PEBP4: variants seen among roughly 807,000 people sequenced by gnomAD.
PEBP4 encodes phosphatidylethanolamine binding protein 4.
PEBP4 carries 22 observed loss-of-function variants against 23.9 expected under a neutral mutation model. That is an observed-to-expected ratio of 0.92 (90% CI 0.66 to 1.31). The LOEUF is 1.31. Among genes scored for constraint, PEBP4 ranks in the 40% most tolerant of loss-of-function variants. The pLI, the probability that PEBP4 is intolerant of heterozygous loss-of-function variation, is 0.00. For missense variants in PEBP4, 324 were observed against 281.7 expected, an observed-to-expected ratio of 1.15 and a Z score of -1.07; for synonymous variants, 112 against 99.3, an observed-to-expected ratio of 1.13 and a Z score of -0.76.
chr8:22,899,070 A>T lies in PEBP4; in HGVS notation c.258+21114T>A, dbSNP rs1240258338. 2.6e-5 allele frequency among the ~76,000 whole-genome samples: 4 copies of T among 152,222 alleles called. 1 individual carries two copies. Among genetic ancestry groups the T allele is most frequent in the African/African-American group, 9.6e-5 (4 of 41,456 alleles). ...TCACAGCCTCTGAAGCTGGCGATCT[A>T]GGACCCTGGACAAGCTACACACCTG... On this transcript the variant is annotated intron_variant, in intron 3 of 6. Coordinates refer to ENST00000256404, the MANE Select transcript of PEBP4 (RefSeq NM_144962.3).
chr8:22,789,460 G>A (rs1452396413), intron 4 of PEBP4, among the ~76,000 whole-genome samples: 2 of 152,116 alleles, frequency 1.3e-5, no homozygotes, highest in Admixed American at 1.3e-4. Flanking sequence ...TGGTACGTTT[G>A]CCACCCCTCA....
intron 3 of PEBP4, among the ~76,000 whole-genome samples, chr8:22,842,326 G>A (rs1315750881): frequency 1.3e-5 from 2 of 152,178 alleles, no homozygotes; most frequent in Non-Finnish European, 2.9e-5. Context: ...AGAGCAGAGA[G>A]GAGAACTGTG....
chr8:22,911,003 G>T lies in PEBP4; in HGVS notation c.258+9181C>A, dbSNP rs140528279. Among the ~76,000 whole-genome samples, 293 of 152,204 alleles carry T rather than the reference G, an allele frequency of 1.9e-3. 1 individual carries two copies. Among genetic ancestry groups the T allele is most frequent in the East Asian group, 0.019 (96 of 5,186 alleles). ...AGTAGAACAAATGCACCGCTCTGGT[G>T]GGGGGAGCTGAGGGTAGGGGAGGCT... On this transcript the variant is annotated intron_variant, in intron 3 of 6. Transcript: ENST00000256404.
intron 2 of PEBP4, among the ~76,000 whole-genome samples, chr8:22,926,225 C>T (rs891716290): frequency 3.9e-5 from 6 of 152,152 alleles, no homozygotes; most frequent in Admixed American, 3.9e-4. Flanking sequence ...ATCTGCCTGC[C>T]TCAGTCTCCC....
intron 4 of PEBP4, among the ~76,000 whole-genome samples, chr8:22,748,420 G>A (rs778768234): frequency 6.6e-6 from 1 of 151,830 alleles, no homozygotes; most frequent in Admixed American, 6.6e-5. Context: ...CACAGAACCC[G>A]CCTGGCAGAG....
At chr8:22,735,471 C>A (rs571990703) in intron 4 of PEBP4, among the ~76,000 whole-genome samples, 3 of 152,274 alleles carry the variant, frequency 2.0e-5, no homozygotes, top group Non-Finnish European at 4.4e-5. Flanking sequence ...CTTGGGTGTC[C>A]GTTGAAGCCA....
At chr8:22,754,774 ATCTCTCCCCTCCCTCACC>A (rs1271138593) in intron 4 of PEBP4, 2 of 152,282 alleles carry the variant, frequency 1.3e-5, no homozygotes, top group East Asian at 3.8e-4. Flanking sequence ...ATTTCCCCAC[ATCTCTCCCCTCCCTCACC>A]TCTCTCTGGT....
At chr8:22,727,092 C>T in intron 5 of PEBP4, 83 bp downstream of exon 5, 2 of 1,489,836 alleles carry the variant, frequency 1.3e-6, no homozygotes, top group Non-Finnish European at 1.9e-6. Context: ...TAGCACACGA[C>T]AAAGCAGCAC....
chr8:22,872,780 G>A (rs1808032423), intron 3 of PEBP4, among the ~76,000 whole-genome samples: 1 of 152,136 alleles, frequency 6.6e-6, no homozygotes. Flanking sequence ...GGGTTCAAGT[G>A]ATTCTCCTGC....
intron 4 of PEBP4, among the ~76,000 whole-genome samples, chr8:22,747,009 A>T (rs966468597): frequency 1.4e-5 from 2 of 145,964 alleles, no homozygotes; most frequent in Admixed American, 7.0e-5. Flanking sequence ...TAATTTTAAA[A>T]TTTTTTTAGA....
intron 4 of PEBP4, among the ~76,000 whole-genome samples, chr8:22,729,696 G>A (rs1384229893): frequency 1.3e-5 from 2 of 152,250 alleles, no homozygotes; most frequent in African/African-American, 4.8e-5. Flanking sequence ...CTTGACTGGG[G>A]CACTGATGGC....
chr8:22,736,261 A>G (rs1007794056), intron 4 of PEBP4, among the ~76,000 whole-genome samples: 5 of 152,182 alleles, frequency 3.3e-5, no homozygotes, highest in Non-Finnish European at 7.3e-5. Flanking sequence ...AAGAAGAAGG[A>G]AAGAAATAAA....
intron 4 of PEBP4, among the ~76,000 whole-genome samples, chr8:22,774,781 A>C (rs1805782655): frequency 6.6e-6 from 1 of 152,096 alleles, no homozygotes; most frequent in African/African-American, 2.4e-5. Flanking sequence ...TGTCCTGAGG[A>C]GTTCAGCCTC....
intron 3 of PEBP4, among the ~76,000 whole-genome samples, chr8:22,867,940 C>T (rs1303159691): frequency 6.6e-6 from 1 of 152,138 alleles, no homozygotes; most frequent in Non-Finnish European, 1.5e-5. Flanking sequence ...AGGTGATGAA[C>T]CCATAGTTAC....
At chr8:22,929,478 T>C (rs1469614044), upstream of PEBP4, among the ~76,000 whole-genome samples, 1 of 152,238 alleles carries the variant, frequency 6.6e-6, no homozygotes. Flanking sequence ...GTTGCTGCTG[T>C]TGAGCCCACT....
At chr8:22,882,539 A>G (rs17088695) in intron 3 of PEBP4, among the ~76,000 whole-genome samples, 7,292 of 152,300 alleles carry the variant, frequency 0.048, 599 homozygotes, top group African/African-American at 0.17. Flanking sequence ...GGGAGGCCTC[A>G]AACTGGCAGA....
intron 6 of PEBP4, among the ~76,000 whole-genome samples, chr8:22,714,253 C>A (rs1804368026): frequency 6.6e-6 from 1 of 152,094 alleles, no homozygotes; most frequent in African/African-American, 2.4e-5. Context: ...TGTGAACAGG[C>A]CTTGTGGCAG....
At chr8:22,777,822 G>A (rs12676845) in intron 4 of PEBP4, among the ~76,000 whole-genome samples, 32,495 of 152,154 alleles carry the variant, frequency 0.21, 3,864 homozygotes, top group East Asian at 0.51. Context: ...AGACATGCAA[G>A]GCTGGGGAGG....
chr8:22,743,830 C>CA lies in PEBP4; in HGVS notation c.358-16611dup, dbSNP rs1469802995. ...GGAGCTCCCTGAATCATCCCAGTTG[C>CA]AATTCCAACACCTGAGCAGAACTAG... On this transcript the variant is annotated intron_variant, in intron 4 of 6. Coordinates refer to ENST00000256404, the MANE Select transcript of PEBP4 (RefSeq NM_144962.3). 9.2e-5 allele frequency among the ~76,000 whole-genome samples: 14 copies of CA among 152,338 alleles called. No individual in the cohort carries two copies. The South Asian group carries it at 2.7e-3, about 29-fold the overall frequency.
Sources: allele counts gnomAD v4.1 joint callset (sites outside exome capture counted in the v4.1 genomes callset), GRCh38; gene constraint gnomAD v4.1.1; transcripts MANE v1.5; gene names NCBI Gene and HGNC (gene_info 2026-07-23, HGNC 2026-07-21).